Variants in MBOAT7 observed in about 807,000 individuals in gnomAD.
MBOAT7 encodes membrane bound acylglycerophosphatidylinositol O-acyltransferase MBOAT7.
In MBOAT7, 40 loss-of-function variants were observed where a neutral mutation model predicts 47.4. The ratio of observed to expected loss-of-function variants is 0.84; its 90% confidence interval spans 0.66 to 1.10. MBOAT7 has a LOEUF of 1.10. Among genes scored for constraint, MBOAT7 ranks in the 50% least tolerant of loss-of-function variants. MBOAT7 has a pLI of 0.00. For synonymous variants in MBOAT7, 361 were observed against 292.0 expected, an observed-to-expected ratio of 1.24 and a Z score of -2.41; for missense variants, 680 against 655.6, an observed-to-expected ratio of 1.04 and a Z score of -0.41.
intron 4 of MBOAT7, among the ~76,000 whole-genome samples, chr19:54,186,805 G>A (rs1351674645): frequency 6.6e-6 from 1 of 152,196 alleles, no homozygotes; most frequent in Non-Finnish European, 1.5e-5. Context: ...CCTTCACCAA[G>A]TACCTTCTCC....
In MBOAT7 at chr19:54,180,896, C is replaced by T. The variant is rs199544070; in HGVS notation, c.731G>A (p.Arg244His). ...MIPVFFAFRM[R>H]FYVAWIAAEC... ...GGCGGCAATCCAGGCCACGTAGAAG[C>T]GCATGCGGAAGGCGAAGAAGACGGG... Residue 244 changes from arginine (R) to histidine (H), a missense_variant, in exon 6 of 8, where the codon CGC becomes CAC. By Grantham distance (29) the Arg-to-His change is conservative (BLOSUM62 0). Coordinates refer to ENST00000245615, the MANE Select transcript of MBOAT7 (RefSeq NM_024298.5). The surrounding 1 kb of genome is among the most constrained non-coding windows in gnomAD (Gnocchi z 5.2). 8.8e-6 allele frequency: 14 copies of T among 1,596,930 alleles called. No individual in the cohort carries two copies. The highest frequency in any genetic ancestry group is 2.3e-5 in the South Asian group (2 of 88,636).
At position 54,174,020 on chromosome 19, in the gene MBOAT7, T is replaced by C. The variant is rs1216635980; in HGVS notation, c.*24A>G. 1 of 1,546,526 alleles carries C rather than the reference T, an allele frequency of 6.5e-7. No homozygotes were observed. Among genetic ancestry groups the C allele is most frequent in the Non-Finnish European group, 8.7e-7 (1 of 1,151,728 alleles). ...GGTTCACAGAATTCCCGGGACCAGC[T>C]GGCAGAGGGAGCGTCGTGACAGCTT... is the stretch of plus-strand genomic sequence containing the variant. On this transcript the variant is annotated 3_prime_UTR_variant, in exon 8 of 8. Coordinates refer to ENST00000245615, the MANE Select transcript of MBOAT7 (RefSeq NM_024298.5).
At chr19:54,175,926 T>C (rs368810137) in intron 7 of MBOAT7, among the ~76,000 whole-genome samples, 19 of 152,316 alleles carry the variant, frequency 1.2e-4, no homozygotes, top group African/African-American at 4.6e-4. Flanking sequence ...GGTTTCACCA[T>C]GTTGGCCAGG....
intron 6 of MBOAT7, chr19:54,179,156 A>C: frequency 1.7e-6 from 1 of 600,998 alleles, no homozygotes; most frequent in Non-Finnish European, 2.9e-6. Flanking sequence ...CAGTCCACTG[A>C]CAATGGGGTT....
Position 54,173,483 on chromosome 19 carries a change from G to T in MBOAT7, c.*561C>A. On this transcript the variant is annotated 3_prime_UTR_variant, in exon 8 of 8. Transcript: ENST00000245615. ...TGTCATAGGCCAAGCGATGAGAAGA[G>T]GGCGCCAGGAGTGCTGGGGTCCCGA... 1 of 199,900 alleles carries T rather than the reference G, an allele frequency of 5.0e-6. No individual in the cohort carries two copies. The highest frequency in any genetic ancestry group is 1.0e-5 in the Non-Finnish European group (1 of 98,120). 12.4% of individuals were successfully genotyped at this position (199,900 alleles called of 1,614,324 possible). A position where few individuals can be genotyped will look rare whatever the true frequency, so the allele number is the denominator to read the frequency against.
At chr19:54,186,354 C>T (rs2076427436) in intron 4 of MBOAT7, among the ~76,000 whole-genome samples, 2 of 152,156 alleles carry the variant, frequency 1.3e-5, no homozygotes, top group African/African-American at 4.8e-5. Flanking sequence ...GGTCACATTG[C>T]CTCTTCTGGC....
intron 4 of MBOAT7, among the ~76,000 whole-genome samples, chr19:54,185,247 AG>A (rs1434197456): frequency 6.6e-6 from 1 of 152,126 alleles, no homozygotes; most frequent in Admixed American, 6.6e-5. Context: ...TTGTAGAGAC[AG>A]GGTCTCACTA....
intron 7 of MBOAT7, among the ~76,000 whole-genome samples, chr19:54,176,956 T>C (rs574535958): frequency 8.6e-5 from 13 of 152,016 alleles, no homozygotes; most frequent in African/African-American, 3.1e-4. Context: ...GCATGGTGAC[T>C]CACGCCTGTA....
intron 7 of MBOAT7, among the ~76,000 whole-genome samples, chr19:54,175,515 T>C (rs2076082116): frequency 6.6e-6 from 1 of 152,184 alleles, no homozygotes; most frequent in Non-Finnish European, 1.5e-5. Context: ...TTCCTTATTC[T>C]GGGCCCAGGA....
chr19:54,174,974 G>GT (rs2076045610), intron 7 of MBOAT7, among the ~76,000 whole-genome samples: 1 of 132,914 alleles, frequency 7.5e-6, no homozygotes, highest in Non-Finnish European at 1.6e-5. Flanking sequence ...TCAGCCCAGT[G>GT]GTTTTTTTTT....
rs1049872070 is a variant in MBOAT7 at position 54,178,844 on chromosome 19, G to A, written c.952C>T (p.Arg318Trp). ...CACTGCACCGTCATGTTCCAGTACC[G>A]CATGCCATCGCGCACCCGCACGCAG... ...DFCVRVRDGM[R>W]YWNMTVQWWL... is the part of the protein sequence containing the mutation. The change falls in exon 7 of 8, where the codon CGG becomes TGG. Residue 318 changes from arginine to tryptophan, a missense_variant. Coordinates refer to ENST00000245615, the MANE Select transcript of MBOAT7 (RefSeq NM_024298.5). 6.8e-6 allele frequency: 11 copies of A among 1,613,550 alleles called. No individual in the cohort carries two copies. The highest frequency in any genetic ancestry group is 5.5e-5 in the South Asian group (5 of 91,090).
At chr19:54,186,139 G>A (rs1371728131) in intron 4 of MBOAT7, among the ~76,000 whole-genome samples, 3 of 151,994 alleles carry the variant, frequency 2.0e-5, no homozygotes, top group African/African-American at 4.8e-5. Context: ...TCAGCCTCCC[G>A]AGTAGCTGGG....
chr19:54,184,390 TG>T (rs1429694061), intron 4 of MBOAT7, among the ~76,000 whole-genome samples: 1 of 152,014 alleles, frequency 6.6e-6, no homozygotes, highest in African/African-American at 2.4e-5. Flanking sequence ...GAGCTGAATA[TG>T]TTGTACTCTC....
At chr19:54,177,397 A>G (rs1407504337) in intron 7 of MBOAT7, among the ~76,000 whole-genome samples, 4 of 149,666 alleles carry the variant, frequency 2.7e-5, no homozygotes, top group South Asian at 4.3e-4. Context: ...CCGGGTTCAC[A>G]CCATTCTCCT....
At chr19:54,174,750 T>C (rs1419425395) in intron 7 of MBOAT7, among the ~76,000 whole-genome samples, 3 of 149,550 alleles carry the variant, frequency 2.0e-5, no homozygotes, top group African/African-American at 7.4e-5. Context: ...CTCCCTCAGA[T>C]CCAGGAGACC....
intron 1 of MBOAT7, 91 bp from the exon 2 acceptor site, chr19:54,188,602 A>C (rs2076529872): frequency 1.0e-5 from 13 of 1,262,292 alleles, no homozygotes; most frequent in Non-Finnish European, 1.3e-5. Flanking sequence ...CCAGCCTTCT[A>C]GACCCCAGTT....
chr19:54,176,943 C>A (rs1034259685), intron 7 of MBOAT7, among the ~76,000 whole-genome samples: 1 of 151,602 alleles, frequency 6.6e-6, no homozygotes, highest in Non-Finnish European at 1.5e-5. Flanking sequence ...AAATTTTGGC[C>A]GGGCATGGTG....
In MBOAT7 at chr19:54,175,527, A is replaced by T. The variant is rs1234054536; in HGVS notation, c.1032-1096T>A. ...TCCTTCCTTATTCTGGGCCCAGGAG[A>T]TATGTTCCTCTTCCTCCAAGGCCCA... On this transcript the variant is annotated intron_variant, in intron 7 of 7. Transcript: ENST00000245615. Among the ~76,000 whole-genome samples, 13 of 152,130 alleles carry T rather than the reference A, an allele frequency of 8.5e-5. No homozygotes were observed. In the South Asian group the frequency reaches 2.7e-3, roughly 32 times the overall value.
intron 5 of MBOAT7, 27 bp downstream of exon 5, chr19:54,183,494 C>T (rs1311266973): frequency 3.7e-6 from 6 of 1,601,242 alleles, no homozygotes; most frequent in Non-Finnish European, 5.1e-6. Context: ...GACAGAGCGG[C>T]AGAGTTGTTA....
Sources: allele counts gnomAD v4.1 joint callset (sites outside exome capture counted in the v4.1 genomes callset), GRCh38; gene constraint gnomAD v4.1.1; non-coding constraint Gnocchi (gnomAD v3.1); transcripts MANE v1.5; gene names NCBI Gene and HGNC (gene_info 2026-07-23, HGNC 2026-07-21).